Variants in PHKB observed in about 807,000 individuals in gnomAD.
PHKB encodes the protein phosphorylase b kinase regulatory subunit beta.
Under a neutral mutation model 152.1 loss-of-function variants are expected in PHKB, and 122 were observed. That is an observed-to-expected ratio of 0.80 (90% CI 0.69 to 0.93). PHKB has a LOEUF of 0.93. PHKB is among the 40% of genes least tolerant of loss of function. PHKB has a pLI of 0.00. For synonymous variants in PHKB, 436 were observed against 464.9 expected (o/e 0.94, Z 0.80); for missense variants, 1,304 against 1,328.4 (o/e 0.98, Z 0.29).
chr16:47,500,268 A>G (rs1285416203), intron 3 of PHKB, among the ~76,000 whole-genome samples: 4 of 152,114 alleles, frequency 2.6e-5, no homozygotes, highest in Non-Finnish European at 5.9e-5. Flanking sequence ...TCTTGACCTC[A>G]AGTGATCTGC....
Position 47,618,533 on chromosome 16 carries a change from A to C in PHKB, c.1458+7613A>C, listed in dbSNP as rs1306732624. On this transcript the variant is annotated intron_variant, in intron 14 of 30. Coordinates refer to ENST00000323584, the MANE Select transcript of PHKB (RefSeq NM_000293.3). ...GAATAGAGTAGATATTTACTAAATA[A>C]TTATGATGTCCCCAAATAGATACAA... Among the ~76,000 whole-genome samples the C allele has an allele frequency of 3.3e-5, 5 of 152,218 alleles. 1 individual carries two copies. Among genetic ancestry groups the C allele is most frequent in the African/African-American group, 1.2e-4 (5 of 41,470 alleles).
At chr16:47,474,504 A>C (rs556964702) in intron 1 of PHKB, among the ~76,000 whole-genome samples, 1 of 152,164 alleles carries the variant, frequency 6.6e-6, no homozygotes, top group Non-Finnish European at 1.5e-5. Context: ...TCAGGTGCTT[A>C]ACTTGTATTC....
chr16:47,464,894 T>C (rs1279657961), intron 1 of PHKB, among the ~76,000 whole-genome samples: 3 of 152,150 alleles, frequency 2.0e-5, no homozygotes, highest in East Asian at 1.9e-4. Flanking sequence ...ATTTCAAGCC[T>C]CAGGACTCAT....
intron 14 of PHKB, among the ~76,000 whole-genome samples, chr16:47,625,136 T>C (rs1972686172): frequency 6.6e-6 from 1 of 152,176 alleles, no homozygotes; most frequent in Non-Finnish European, 1.5e-5. Flanking sequence ...ATAGTCCAGG[T>C]CACCATTATC....
intron 16 of PHKB, among the ~76,000 whole-genome samples, chr16:47,645,611 C>G (rs1001432316): frequency 1.1e-4 from 17 of 150,124 alleles, no homozygotes; most frequent in African/African-American, 4.2e-4. Context: ...GTTTTGGTTA[C>G]TGTAGCCTTG....
chr16:47,485,624 G>A (rs557888154), intron 1 of PHKB, among the ~76,000 whole-genome samples: 2 of 152,204 alleles, frequency 1.3e-5, no homozygotes, highest in East Asian at 1.9e-4. Flanking sequence ...TGGTTCGTTC[G>A]TATTTATTTA....
intron 14 of PHKB, among the ~76,000 whole-genome samples, chr16:47,613,960 C>G (rs754799225): frequency 1.3e-5 from 2 of 152,118 alleles, no homozygotes; most frequent in Non-Finnish European, 2.9e-5. Context: ...CCATTCTCAA[C>G]TGCTATAAAG....
intron 26 of PHKB, among the ~76,000 whole-genome samples, chr16:47,678,160 A>G (rs1439604698): frequency 6.6e-6 from 1 of 151,818 alleles, no homozygotes; most frequent in Non-Finnish European, 1.5e-5. Flanking sequence ...TTCTTAATCC[A>G]GTCTATCATT....
intron 13 of PHKB, among the ~76,000 whole-genome samples, chr16:47,602,115 C>T (rs1972238792): frequency 6.6e-6 from 1 of 152,080 alleles, no homozygotes; most frequent in African/African-American, 2.4e-5. Flanking sequence ...GGCTGGAGTG[C>T]AGTGGTACCA....
chr16:47,515,551 C>T lies in PHKB; in HGVS notation c.544C>T (p.Leu182Phe), dbSNP rs1280432847. ...TGCAGTGTCACTTTATCTCCTTTAC[C>T]TTGTGGAAATGATTTCCTCAGGACT... ...INAVSLYLLY[L>F]VEMISSGLQI... The change falls in exon 6 of 31, where the codon CTT becomes TTT. Residue 182 changes from leucine to phenylalanine, a missense_variant. By Grantham distance (22) the Leu-to-Phe change is conservative. Coordinates refer to ENST00000323584, the MANE Select transcript of PHKB (RefSeq NM_000293.3). 2.0e-6 allele frequency: 3 copies of T among 1,513,288 alleles called. No individual in the cohort carries two copies. Among genetic ancestry groups the T allele is most frequent in the African/African-American group, 2.7e-5 (2 of 72,990 alleles). The allele number at this position is 1,513,288 out of a possible 1,614,324, so 93.7% of individuals were successfully genotyped here.
intron 7 of PHKB, among the ~76,000 whole-genome samples, chr16:47,574,826 G>A (rs1971722889): frequency 1.3e-5 from 2 of 152,134 alleles, no homozygotes; most frequent in Admixed American, 1.3e-4. Context: ...CATGAGACTT[G>A]GCAGGATCAA....
chr16:47,621,172 A>G (rs992751674), intron 14 of PHKB, among the ~76,000 whole-genome samples: 1 of 152,174 alleles, frequency 6.6e-6, no homozygotes, highest in African/African-American at 2.4e-5. Context: ...ATCCCCTTCC[A>G]GCGCTTCTGT....
At chr16:47,644,268 G>T (rs1236038488) in intron 16 of PHKB, among the ~76,000 whole-genome samples, 1 of 152,150 alleles carries the variant, frequency 6.6e-6, no homozygotes, top group African/African-American at 2.4e-5. Flanking sequence ...ACTGTTTCTG[G>T]CCAGTTGACT....
intron 27 of PHKB, 46 bp from the exon 28 acceptor site, chr16:47,693,332 G>A: frequency 6.2e-7 from 1 of 1,610,580 alleles, no homozygotes; most frequent in Non-Finnish European, 8.5e-7. Flanking sequence ...CTGTCTACCA[G>A]AACAAGCTTG....
chr16:47,635,266 A>G (rs1037481625), intron 14 of PHKB, among the ~76,000 whole-genome samples: 1 of 152,148 alleles, frequency 6.6e-6, no homozygotes, highest in Non-Finnish European at 1.5e-5. Context: ...TATTAGCTGT[A>G]TGATGTTGGA....
intron 27 of PHKB, among the ~76,000 whole-genome samples, chr16:47,691,107 C>CA (rs1974052033): frequency 6.6e-6 from 1 of 151,968 alleles, no homozygotes; most frequent in Non-Finnish European, 1.5e-5. Context: ...ATACTCTTGC[C>CA]AAAAATGCAT....
chr16:47,673,914 G>A (rs1973680418), intron 26 of PHKB, among the ~76,000 whole-genome samples: 1 of 152,180 alleles, frequency 6.6e-6, no homozygotes, highest in African/African-American at 2.4e-5. Context: ...GTCTTTGTCA[G>A]TAAGTGGAAG....
chr16:47,471,852 G>A (rs887560751), intron 1 of PHKB, among the ~76,000 whole-genome samples: 1 of 152,142 alleles, frequency 6.6e-6, no homozygotes, highest in Non-Finnish European at 1.5e-5. Context: ...TCAGGAGATC[G>A]AGACCACCCT....
At chr16:47,678,231 T>C (rs1243783264) in intron 26 of PHKB, among the ~76,000 whole-genome samples, 1 of 152,020 alleles carries the variant, frequency 6.6e-6, no homozygotes, top group Non-Finnish European at 1.5e-5. Context: ...AATAAACATA[T>C]GTATGCATGT....
Sources: allele counts gnomAD v4.1 joint callset (sites outside exome capture counted in the v4.1 genomes callset), GRCh38; gene constraint gnomAD v4.1.1; transcripts MANE v1.5; gene names NCBI Gene and HGNC (gene_info 2026-07-23, HGNC 2026-07-21).